TRPM3: variants seen among roughly 807,000 people sequenced by gnomAD.
TRPM3 encodes long transient receptor potential channel 3.
TRPM3 carries 77 observed loss-of-function variants against 181.2 expected under a neutral mutation model. That is an observed-to-expected ratio of 0.42 (90% CI 0.35 to 0.51). TRPM3 has a LOEUF of 0.51. Ranked by LOEUF, TRPM3 falls within the 20% of genes least tolerant of loss-of-function variation. The pLI, the probability that TRPM3 is intolerant of heterozygous loss-of-function variation, is 0.01. For missense variants in TRPM3, 1,759 were observed against 2,196.7 expected, an observed-to-expected ratio of 0.80 and a Z score of 3.98; for synonymous variants, 745 against 796.4, an observed-to-expected ratio of 0.94 and a Z score of 1.09.
intron 1 of TRPM3, among the ~76,000 whole-genome samples, chr9:71,091,892 T>G (rs2066286828): frequency 6.6e-6 from 1 of 152,136 alleles, no homozygotes; most frequent in Non-Finnish European, 1.5e-5. Context: ...GAGAATTTTG[T>G]TTGGGTGCCC....
At chr9:70,790,949 T>C (rs1277937839) in intron 6 of TRPM3, among the ~76,000 whole-genome samples, 1 of 152,156 alleles carries the variant, frequency 6.6e-6, no homozygotes, top group Non-Finnish European at 1.5e-5. Context: ...TTTGAGCTAT[T>C]GAGGAGCAGA....
chr9:70,836,555 C>T (rs914378258), intron 5 of TRPM3, among the ~76,000 whole-genome samples: 1 of 152,152 alleles, frequency 6.6e-6, no homozygotes, highest in Non-Finnish European at 1.5e-5. Context: ...CTTCCTTAGC[C>T]TCTTGATAGA....
At chr9:71,422,347 A>G (rs781477053) in intron 1 of TRPM3, among the ~76,000 whole-genome samples, 9 of 152,054 alleles carry the variant, frequency 5.9e-5, no homozygotes, top group Non-Finnish European at 1.3e-4. Context: ...AAACAGATAC[A>G]GCAAGCAATG....
chr9:70,748,660 A>T (rs1417963031), intron 8 of TRPM3, among the ~76,000 whole-genome samples: 1 of 152,152 alleles, frequency 6.6e-6, no homozygotes, highest in Non-Finnish European at 1.5e-5. Context: ...CCACATGAAG[A>T]TGCAGCAAGA....
chr9:71,325,677 A>C (rs1229876855), intron 1 of TRPM3, among the ~76,000 whole-genome samples: 1 of 152,050 alleles, frequency 6.6e-6, no homozygotes, highest in African/African-American at 2.4e-5. Context: ...CTAACCTACA[A>C]AACCTACAAA....
intron 1 of TRPM3, among the ~76,000 whole-genome samples, chr9:71,155,517 TTTTA>T: frequency 6.9e-6 from 1 of 144,880 alleles, no homozygotes; most frequent in Non-Finnish European, 1.5e-5. Flanking sequence ...TTTTATTTTA[TTTTA>T]TTTTTGCATA....
At chr9:71,205,057 C>G (rs1362731926) in intron 1 of TRPM3, among the ~76,000 whole-genome samples, 1 of 151,778 alleles carries the variant, frequency 6.6e-6, no homozygotes. Context: ...ACAACAGGGC[C>G]TGTTGTGGGG....
chr9:70,610,715 C>T lies in TRPM3; in HGVS notation c.2561G>A (p.Arg854Lys), dbSNP rs1432300611. The change falls in exon 19 of 26, where the codon AGG (arginine) becomes AAG (lysine). Residue 854 changes from arginine (R) to lysine (K), a missense_variant. Transcript: ENST00000677713. ...MLGRNNGESS[R>K]KKDEEEVQSK... ...CTGAACTTCCTCTTCATCCTTCTTCCTGGAGGACTCCCCGTTGTTTCGTCC... is the reference window on the plus strand; with the variant it reads ...CTGAACTTCCTCTTCATCCTTCTTCTTGGAGGACTCCCCGTTGTTTCGTCC... The T allele has an allele frequency of 1.2e-6, 2 of 1,614,054 alleles. No individual in the cohort carries two copies. Among genetic ancestry groups the T allele is most frequent in the African/African-American group, 1.3e-5 (1 of 74,914 alleles).
At chr9:71,162,314 T>C (rs2076321963) in intron 1 of TRPM3, among the ~76,000 whole-genome samples, 1 of 152,058 alleles carries the variant, frequency 6.6e-6, no homozygotes, top group Non-Finnish European at 1.5e-5. Flanking sequence ...CTTTTCTGGC[T>C]TTCTGGTAAC....
intron 1 of TRPM3, among the ~76,000 whole-genome samples, chr9:71,271,405 T>C (rs2083778180): frequency 6.6e-6 from 1 of 152,082 alleles, no homozygotes; most frequent in Non-Finnish European, 1.5e-5. Context: ...GGAATACATG[T>C]TCAATAAATA....
chr9:71,424,706 T>G (rs998900814), intron 1 of TRPM3, among the ~76,000 whole-genome samples: 2 of 152,174 alleles, frequency 1.3e-5, no homozygotes, highest in African/African-American at 2.4e-5. Context: ...TCTCTCCCTG[T>G]AGATGGTATC....
In TRPM3 at chr9:70,619,760, T is replaced by C. The variant is rs2063356632; in HGVS notation, c.2129+316A>G. Among the ~76,000 whole-genome samples, 3 of 152,204 alleles carry C rather than the reference T, an allele frequency of 2.0e-5. No individual in the cohort carries two copies. In the South Asian group the frequency reaches 6.2e-4, roughly 32 times the overall value. ...CAAACTTCAGTTCAAATTCCAGCCT[T>C]GCCACCACAAATGTGTGATCTTGGA... On this transcript the variant is annotated intron_variant, in intron 16 of 25. Coordinates refer to ENST00000677713, the MANE Select transcript of TRPM3 (RefSeq NM_001366145.2).
chr9:71,210,538 T>A (rs1045909780), intron 1 of TRPM3, among the ~76,000 whole-genome samples: 1 of 152,150 alleles, frequency 6.6e-6, no homozygotes, highest in African/African-American at 2.4e-5. Context: ...CTATACTGAC[T>A]CCTTCTGGTA....
At chr9:70,569,390 T>C (rs919472788) in intron 22 of TRPM3, among the ~76,000 whole-genome samples, 38 of 152,330 alleles carry the variant, frequency 2.5e-4, no homozygotes, top group Middle Eastern at 3.4e-3. Context: ...AAGACAAGCA[T>C]AAAATGAGGC....
At chr9:70,865,046 T>TGGG (rs71507015) in intron 1 of TRPM3, among the ~76,000 whole-genome samples, 8 of 95,428 alleles carry the variant, frequency 8.4e-5, no homozygotes, top group South Asian at 8.5e-4. Flanking sequence ...ACAGGGGGGT[T>TGGG]GGGGGGGGGG....
chr9:71,192,620 A>T (rs1459290943), intron 1 of TRPM3, among the ~76,000 whole-genome samples: 1 of 151,692 alleles, frequency 6.6e-6, no homozygotes, highest in Non-Finnish European at 1.5e-5. Flanking sequence ...TTATTTTGCT[A>T]TTTAGTGTGA....
intron 1 of TRPM3, among the ~76,000 whole-genome samples, chr9:71,291,965 G>C (rs1170432972): frequency 6.6e-6 from 1 of 151,956 alleles, no homozygotes; most frequent in East Asian, 1.9e-4. Flanking sequence ...ATGTCATGTA[G>C]ATCATGTTCT....
At chr9:71,132,000 A>G (rs905404719) in intron 1 of TRPM3, among the ~76,000 whole-genome samples, 1 of 152,184 alleles carries the variant, frequency 6.6e-6, no homozygotes, top group African/African-American at 2.4e-5. Flanking sequence ...GCAACTCTCT[A>G]TTTTACGTAA....
At chr9:70,869,825 G>A (rs989638319) in intron 1 of TRPM3, among the ~76,000 whole-genome samples, 6 of 151,988 alleles carry the variant, frequency 3.9e-5, no homozygotes, top group African/African-American at 1.4e-4. Flanking sequence ...GTTTATTTGG[G>A]GTGGCCCAAT....
Sources: allele counts gnomAD v4.1 joint callset (sites outside exome capture counted in the v4.1 genomes callset), GRCh38; gene constraint gnomAD v4.1.1; transcripts MANE v1.5; gene names NCBI Gene and HGNC (gene_info 2026-07-23, HGNC 2026-07-21).